Variants in TMEM131L observed in about 807,000 individuals in gnomAD.
TMEM131L encodes transmembrane 131 like, also known as transmembrane protein 131-like.
In TMEM131L, 54 loss-of-function variants were observed where a neutral mutation model predicts 192.2. The observed-to-expected ratio is 0.28, with a 90% CI of 0.23 to 0.35. The LOEUF is 0.35. Ranked by LOEUF, TMEM131L falls within the 10% of genes least tolerant of loss-of-function variation. The pLI, the probability that TMEM131L is intolerant of heterozygous loss-of-function variation, is 1.00. For synonymous variants in TMEM131L, 701 were observed against 704.9 expected (o/e 0.99, Z 0.09); for missense variants, 1,888 against 1,972.9 (o/e 0.96, Z 0.82).
intron 3 of TMEM131L, among the ~76,000 whole-genome samples, chr4:153,533,077 C>T (rs1305666492): frequency 6.6e-6 from 1 of 151,114 alleles, no homozygotes; most frequent in African/African-American, 2.4e-5. Context: ...ACCTCTGTCT[C>T]CCGGGTTCAA....
Position 153,555,919 on chromosome 4 carries a change from T to TG in TMEM131L, c.432+10dup, listed in dbSNP as rs1248220391. ...CGCCAGTTCCCTGCAGGGTGGGTGT[T>TG]GATGGACTCCTGGAAACTATGCCGT... On this transcript the variant is annotated intron_variant, in intron 5 of 34. Coordinates refer to ENST00000409959, the MANE Select transcript of TMEM131L (RefSeq NM_001131007.2). This position sits in a 1 kb window ranked among gnomAD's most constrained non-coding sequence, Gnocchi z 4.1. 2.8e-5 allele frequency: 43 copies of TG among 1,551,014 alleles called. No homozygotes were observed. The highest frequency in any genetic ancestry group is 3.8e-5 in the Non-Finnish European group (43 of 1,146,662).
At chr4:153,629,225 C>G (rs1204985201) in intron 31 of TMEM131L, among the ~76,000 whole-genome samples, 1 of 152,160 alleles carries the variant, frequency 6.6e-6, no homozygotes, top group African/African-American at 2.4e-5. Context: ...GTTCCAAAGC[C>G]TCGTGCCTCG....
intron 26 of TMEM131L, among the ~76,000 whole-genome samples, chr4:153,616,076 C>T (rs538140358): frequency 3.2e-4 from 48 of 152,266 alleles, no homozygotes; most frequent in African/African-American, 8.9e-4. Flanking sequence ...TTATATAAGA[C>T]CCTCCCTCCT....
At chr4:153,523,508 G>A (rs181176649) in intron 3 of TMEM131L, among the ~76,000 whole-genome samples, 8 of 152,312 alleles carry the variant, frequency 5.3e-5, no homozygotes, top group Admixed American at 4.6e-4. Context: ...TGTGGCATAA[G>A]TCTGAAGGTA....
intron 21 of TMEM131L, 85 bp downstream of exon 21, chr4:153,598,817 A>G: frequency 8.7e-7 from 1 of 1,143,690 alleles, no homozygotes; most frequent in Non-Finnish European, 1.1e-6. Flanking sequence ...TAAATTTTAA[A>G]TTCTAAAATT....
At chr4:153,597,039 TA>T (rs1423435236) in intron 20 of TMEM131L, among the ~76,000 whole-genome samples, 1 of 152,204 alleles carries the variant, frequency 6.6e-6, no homozygotes, top group Non-Finnish European at 1.5e-5. Flanking sequence ...TAATTTTTAA[TA>T]AATGACATTT....
intron 29 of TMEM131L, among the ~76,000 whole-genome samples, chr4:153,624,956 GT>G (rs1390848415): frequency 6.6e-6 from 1 of 152,204 alleles, no homozygotes; most frequent in Non-Finnish European, 1.5e-5. Context: ...CCACTCAGCA[GT>G]TCTCCGCGTT....
intron 3 of TMEM131L, among the ~76,000 whole-genome samples, chr4:153,505,109 C>CTTTT (rs34450106): frequency 6.4e-5 from 9 of 141,300 alleles, no homozygotes; most frequent in Non-Finnish European, 1.2e-4. Flanking sequence ...TTCTTTCTTT[C>CTTTT]TTTTTTTTTT....
intron 26 of TMEM131L, among the ~76,000 whole-genome samples, chr4:153,617,863 GT>G (rs61453817): frequency 0.023 from 3,225 of 138,566 alleles, 85 homozygotes; most frequent in African/African-American, 0.072. Context: ...GCTCTTCGTG[GT>G]TTTTTTTTTT....
chr4:153,593,393 A>C (rs13133464), intron 18 of TMEM131L, among the ~76,000 whole-genome samples: 40,989 of 151,710 alleles, frequency 0.27, 5,861 homozygotes, highest in Non-Finnish European at 0.33. Context: ...GCCAGTAGGA[A>C]CTCCCCAGCT....
chr4:153,561,399 T>C (rs1408449634), intron 7 of TMEM131L, among the ~76,000 whole-genome samples: 1 of 152,226 alleles, frequency 6.6e-6, no homozygotes, highest in Admixed American at 6.5e-5. Flanking sequence ...CAAGTTTTTC[T>C]GTTTTTCTTT....
Position 153,517,404 on chromosome 4 carries a change from G to A in TMEM131L, c.240-32669G>A, listed in dbSNP as rs138282757. On this transcript the variant is annotated intron_variant, in intron 3 of 34. Coordinates refer to ENST00000409959, the MANE Select transcript of TMEM131L (RefSeq NM_001131007.2). The stretch of plus-strand genomic sequence containing the variant: ...GGGTCCTTTACAAGGCCCTGGGCGG[G>A]TTCCTAGGAATGTTTTTACATGACT... Among the ~76,000 whole-genome samples the A allele has an allele frequency of 3.9e-3, 599 of 152,256 alleles. 3 individuals are homozygous for A. The highest frequency in any genetic ancestry group is 0.013 in the African/African-American group (559 of 41,552).
chr4:153,598,850 T>C, intron 21 of TMEM131L, 118 bp downstream of exon 21: 1 of 814,172 alleles, frequency 1.2e-6, no homozygotes, highest in Non-Finnish European at 1.7e-6. Flanking sequence ...ATTCTAAAAA[T>C]TTATAGTAAA....
intron 28 of TMEM131L, among the ~76,000 whole-genome samples, chr4:153,622,332 GTA>G (rs1733486437): frequency 6.6e-6 from 1 of 152,124 alleles, no homozygotes; most frequent in African/African-American, 2.4e-5. Flanking sequence ...TACATGTGGG[GTA>G]TGGGGTGGTG....
chr4:153,471,136 C>G (rs574905323), intron 2 of TMEM131L, among the ~76,000 whole-genome samples: 159 of 152,126 alleles, frequency 1.0e-3, no homozygotes, highest in African/African-American at 3.5e-3. Context: ...TACAGGCATG[C>G]GCCACCATGC....
chr4:153,514,328 G>A (rs906834820), intron 3 of TMEM131L, among the ~76,000 whole-genome samples: 2 of 152,184 alleles, frequency 1.3e-5, no homozygotes, highest in African/African-American at 2.4e-5. Flanking sequence ...TATTGCCCAT[G>A]TTTCTCTTGG....
chr4:153,513,615 A>G (rs1230050351), intron 3 of TMEM131L, among the ~76,000 whole-genome samples: 3 of 152,324 alleles, frequency 2.0e-5, no homozygotes, highest in East Asian at 3.9e-4. Context: ...CCATTCGAAC[A>G]TGTCTTCCTG....
intron 3 of TMEM131L, among the ~76,000 whole-genome samples, chr4:153,527,862 G>A (rs1018237011): frequency 6.6e-5 from 10 of 152,084 alleles, no homozygotes; most frequent in African/African-American, 1.9e-4. Flanking sequence ...GTCTAACCTC[G>A]TCCTTTTACT....
intron 3 of TMEM131L, among the ~76,000 whole-genome samples, chr4:153,479,527 A>T (rs1034040253): frequency 6.6e-6 from 1 of 152,202 alleles, no homozygotes; most frequent in Non-Finnish European, 1.5e-5. Flanking sequence ...TTTTTGAGTT[A>T]TATTTGAATA....
Sources: allele counts gnomAD v4.1 joint callset (sites outside exome capture counted in the v4.1 genomes callset), GRCh38; gene constraint gnomAD v4.1.1; non-coding constraint Gnocchi (gnomAD v3.1); transcripts MANE v1.5; gene names NCBI Gene and HGNC (gene_info 2026-07-23, HGNC 2026-07-21).